AFF2: variants seen among roughly 807,000 people sequenced by gnomAD.
AFF2 encodes ALF transcription elongation factor 2, also known as AF4/FMR2 family member 2.
AFF2 carries 14 observed loss-of-function variants against 76.9 expected under a neutral mutation model. That is an observed-to-expected ratio of 0.18 (90% CI 0.12 to 0.28). AFF2 has a LOEUF of 0.28. AFF2 is among the 10% of genes least tolerant of loss of function. The pLI is 1.00. For missense variants in AFF2, 868 were observed against 1,001.1 expected (o/e 0.87, Z 1.79); for synonymous variants, 398 against 366.7 (o/e 1.09, Z -0.98).
At chrX:148,886,951 T>C (rs2071166593) in intron 8 of AFF2, among the ~76,000 whole-genome samples, 1 of 112,591 alleles carries the variant, frequency 8.9e-6, no homozygotes, top group South Asian at 3.6e-4. Context: ...GGAAAAATTA[T>C]CAAGGCTCAG....
intron 4 of AFF2, among the ~76,000 whole-genome samples, chrX:148,813,144 A>G (rs2070224660): frequency 8.9e-6 from 1 of 112,313 alleles, no homozygotes; most frequent in Non-Finnish European, 1.9e-5. Context: ...TTATTATTTC[A>G]TGAAATCGAA....
At chrX:148,873,003 A>G (rs782077867) in intron 7 of AFF2, among the ~76,000 whole-genome samples, 41 of 111,829 alleles carry the variant, frequency 3.7e-4, no homozygotes, top group Non-Finnish European at 5.3e-4. Flanking sequence ...AAAAATGTCT[A>G]TTCAGATCCT....
In AFF2 at chrX:148,993,740, G is replaced by T; in HGVS notation, c.*2408G>T. ...GTGTAAAATATGTGCCAAGTCTGCA[G>T]CACAGTGACCAAATCTGACAATCGA... On this transcript the variant is annotated 3_prime_UTR_variant, in exon 21 of 21. Coordinates refer to ENST00000370460, the MANE Select transcript of AFF2 (RefSeq NM_002025.4). The T allele has an allele frequency of 8.9e-6, 1 of 112,090 alleles. No homozygotes were observed. Among genetic ancestry groups the T allele is most frequent in the African/African-American group, 3.2e-5 (1 of 30,796 alleles). The allele number at this position is 112,090 out of a possible 1,213,427, so 9.2% of individuals were successfully genotyped here. A position where few individuals can be genotyped will look rare whatever the true frequency, so the allele number is the denominator to read the frequency against.
chrX:148,687,733 T>G (rs782159633), intron 3 of AFF2, among the ~76,000 whole-genome samples: 1 of 110,981 alleles, frequency 9.0e-6, no homozygotes, highest in Admixed American at 9.6e-5. Flanking sequence ...TGTGTCGCTT[T>G]GTTTAATACA....
Position 148,956,477 on chromosome X carries a change from C to A in AFF2, c.2432C>A (p.Ser811Tyr). The change falls in exon 11 of 21, where the codon TCT becomes TAT. Residue 811 changes from serine (S) to tyrosine (Y), a missense_variant. Physicochemically the swap from Ser to Tyr is moderately radical, Grantham distance 144. Coordinates refer to ENST00000370460, the MANE Select transcript of AFF2 (RefSeq NM_002025.4). ...GTGAAGATTGACCTTGACTTACTCT[C>A]TAGAGTACCTGGCCACAGCTCACTC... ...LWVKIDLDLL[S>Y]RVPGHSSLHA... The A allele has an allele frequency of 8.3e-7, 1 of 1,211,881 alleles. No homozygotes were observed. The highest frequency in any genetic ancestry group is 1.8e-5 in the South Asian group (1 of 56,995).
Position 148,662,427 on chromosome X carries a change from T to G in AFF2, c.700T>G (p.Phe234Val). The change falls in exon 3 of 21, where the codon TTT becomes GTT. Residue 234 changes from phenylalanine (F) to valine (V), a missense_variant. Phe to Val is a conservative substitution (Grantham distance 50). Around this residue, in one of 6 missense-constraint regions of AFF2, gnomAD observed 196 missense variants for 194.8 expected, o/e 1.01. Transcript: ENST00000370460. ...SSGEDAFKEI[F>V]QSNSPEESEF... is the part of the protein sequence containing the mutation. ...TGGAGAAGATGCTTTCAAAGAAATCTTTCAATCCAATTCACCGGAAGAATC... is the reference window on the plus strand; with the variant it reads ...TGGAGAAGATGCTTTCAAAGAAATCGTTCAATCCAATTCACCGGAAGAATC... 8.3e-7 allele frequency: 1 copy of G among 1,211,919 alleles called. No homozygotes were observed. Among genetic ancestry groups the G allele is most frequent in the Non-Finnish European group, 1.1e-6 (1 of 895,532 alleles).
chrX:148,907,445 GT>G (rs1447056557), intron 9 of AFF2, among the ~76,000 whole-genome samples: 3 of 111,516 alleles, frequency 2.7e-5, no homozygotes, highest in Non-Finnish European at 5.6e-5. Context: ...GTTCTTTTCT[GT>G]TTTCCCTAAG....
chrX:148,906,323 G>A lies in AFF2; in HGVS notation c.1397+2065G>A, dbSNP rs1268603446. Among the ~76,000 whole-genome samples, 3 of 112,078 alleles carry A rather than the reference G, an allele frequency of 2.7e-5. No homozygotes were observed. The East Asian group carries it at 8.4e-4, about 32-fold the overall frequency. On this transcript the variant is annotated intron_variant, in intron 9 of 20. Transcript: ENST00000370460. The stretch of plus-strand genomic sequence containing the variant: ...ACCCTACTATGCCCCCAGTTCAGCA[G>A]GAAGCAGTTAGAGCAGTTGTTGGCC...
intron 9 of AFF2, among the ~76,000 whole-genome samples, chrX:148,938,994 C>T (rs782662020): frequency 2.4e-4 from 26 of 110,604 alleles, no homozygotes; most frequent in African/African-American, 8.5e-4. Flanking sequence ...ATAATTCAGA[C>T]ATATTATAAA....
chrX:148,712,590 A>G (rs2084755372), intron 3 of AFF2, among the ~76,000 whole-genome samples: 1 of 111,985 alleles, frequency 8.9e-6, no homozygotes, highest in South Asian at 3.7e-4. Flanking sequence ...TAAAGAAAAA[A>G]CAGTCTATTA....
intron 1 of AFF2, among the ~76,000 whole-genome samples, chrX:148,631,207 A>T (rs1441509529): frequency 8.9e-6 from 1 of 112,018 alleles, no homozygotes; most frequent in Non-Finnish European, 1.9e-5. Context: ...ACCAGAGAAG[A>T]TATAGCCCAA....
rs1200279798 is a variant in AFF2, at chrX:148,553,516, A to G, written c.47+52372A>G. Among the ~76,000 whole-genome samples the G allele has an allele frequency of 2.7e-5, 3 of 112,093 alleles. No homozygotes were observed. The Admixed American group carries it at 2.8e-4, about 11-fold the overall frequency. ...TTAAAAAAATTGTGGTAGAAAACAC[A>G]TAACAAATGTACTGTGGCCTTCTCT... On this transcript the variant is annotated intron_variant, in intron 1 of 20. Coordinates refer to ENST00000370460, the MANE Select transcript of AFF2 (RefSeq NM_002025.4).
chrX:148,981,624 ACCCCTTACCAG>A (rs782343946), intron 19 of AFF2, among the ~76,000 whole-genome samples: 20 of 111,060 alleles, frequency 1.8e-4, no homozygotes, highest in Non-Finnish European at 3.0e-4. Context: ...ATTTCCAAAT[ACCCCTTACCAG>A]CCCAAGCCCA....
Position 148,953,808 on chromosome X carries a change from CACACAG to C in AFF2, c.1557+75_1557+80del, listed in dbSNP as rs200709760. On this transcript the variant is annotated intron_variant, in intron 10 of 20. Transcript: ENST00000370460. Reference sequence around the variant, plus strand: ...ACAGGCAGCACCCTCAACACACACACACACAGACACACACACACACACACACACTTT... The same window carrying C: ...ACAGGCAGCACCCTCAACACACACACACACACACACACACACACACACTTT... 768 of 733,266 alleles carry C rather than the reference CACACAG, an allele frequency of 1.0e-3. 4 individuals carry two copies. In the African/African-American group the frequency reaches 0.014, roughly 14 times the overall value. The allele number at this position is 733,266 out of a possible 1,213,427, so 60.4% of individuals were successfully genotyped here. A position where few individuals can be genotyped will look rare whatever the true frequency, so the allele number is the denominator to read the frequency against.
intron 1 of AFF2, among the ~76,000 whole-genome samples, chrX:148,518,360 T>C (rs73638160): frequency 0.022 from 2,459 of 111,808 alleles, 69 homozygotes; most frequent in African/African-American, 0.076. Flanking sequence ...ACTTGGGCGG[T>C]GGTCTCTAGT....
intron 3 of AFF2, among the ~76,000 whole-genome samples, chrX:148,766,571 ATTTG>A (rs2069521065): frequency 9.6e-6 from 1 of 104,345 alleles, no homozygotes; most frequent in Non-Finnish European, 2.0e-5. Flanking sequence ...TTTCTTGTAA[ATTTG>A]TTTGAGTTCA....
At chrX:148,764,765 T>C (rs782631082) in intron 3 of AFF2, among the ~76,000 whole-genome samples, 25 of 112,517 alleles carry the variant, frequency 2.2e-4, no homozygotes, top group Non-Finnish European at 4.5e-4. Context: ...CTAAAGACTC[T>C]GTGATACAAT....
chrX:148,610,853 T>C (rs184107065), intron 1 of AFF2, among the ~76,000 whole-genome samples: 2 of 111,795 alleles, frequency 1.8e-5, no homozygotes, highest in Admixed American at 9.5e-5. Context: ...AAATATGTTT[T>C]AAAATATATT....
chrX:148,631,459 G>A (rs1220817521), intron 1 of AFF2, among the ~76,000 whole-genome samples: 2 of 111,713 alleles, frequency 1.8e-5, no homozygotes, highest in Non-Finnish European at 3.8e-5. Flanking sequence ...GAAAGATATA[G>A]CAAGAAATTT....
Sources: allele counts gnomAD v4.1 joint callset (sites outside exome capture counted in the v4.1 genomes callset), GRCh38; gene constraint gnomAD v4.1.1; regional missense constraint gnomAD v4.1.1; transcripts MANE v1.5; gene names NCBI Gene and HGNC (gene_info 2026-07-23, HGNC 2026-07-21).